GBF1: variants seen among roughly 807,000 people sequenced by gnomAD.
GBF1 encodes the protein golgi brefeldin A resistant guanine nucleotide exchange factor 1.
GBF1 carries 114 observed loss-of-function variants against 210.5 expected under a neutral mutation model. That is an observed-to-expected ratio of 0.54 (90% CI 0.47 to 0.63). The LOEUF (loss-of-function observed/expected upper bound fraction) is 0.63, where lower values mean the gene tolerates loss of function less well. Ranked by LOEUF, GBF1 falls within the 30% of genes least tolerant of loss-of-function variation. The probability of loss-of-function intolerance (pLI) is 0.00; values close to 1 mark genes in which losing one functional copy is unlikely to be tolerated. For synonymous variants in GBF1, 850 were observed against 889.2 expected, an observed-to-expected ratio of 0.96 and a Z score of 0.78; for missense variants, 1,851 against 2,357.7, an observed-to-expected ratio of 0.79 and a Z score of 4.45.
At chr10:102,288,594 C>T (rs1487021185) in intron 3 of GBF1, among the ~76,000 whole-genome samples, 2 of 151,614 alleles carry the variant, frequency 1.3e-5, no homozygotes, top group Non-Finnish European at 1.5e-5. Flanking sequence ...GCCTGTAGTC[C>T]CAGCTACTCG....
intron 1 of GBF1, among the ~76,000 whole-genome samples, chr10:102,258,474 A>G (rs1006191009): frequency 4.1e-5 from 6 of 147,536 alleles, no homozygotes; most frequent in African/African-American, 1.2e-4. Context: ...TTATGAGTAT[A>G]GAAAATTTTG....
chr10:102,331,512 G>A (rs1443044584), intron 3 of GBF1, among the ~76,000 whole-genome samples: 1 of 151,832 alleles, frequency 6.6e-6, no homozygotes, highest in Admixed American at 6.6e-5. Context: ...GGCTGGGCAC[G>A]GTGTCTCAAG....
At chr10:102,379,466 G>A (rs775891132) in intron 34 of GBF1, 32 bp downstream of exon 34, 17 of 1,613,892 alleles carry the variant, frequency 1.1e-5, no homozygotes, top group Non-Finnish European at 1.4e-5. Flanking sequence ...TAGGGAGTTT[G>A]GGGAGCATCA....
rs1410305226 is a variant in GBF1 at position 102,366,446 on chromosome 10, T to A, written c.2373T>A (p.Arg791=). ...EALRLYLEAF[R]LPGEAPVIQR... ...TCCGCCTCTACCTGGAAGCCTTCCG[T>A]TTGCCTGGGGAAGCACCAGTCATCC... is the stretch of plus-strand genomic sequence containing the variant. Residue 791 remains arginine (R), a synonymous_variant, in exon 19 of 40, where the codon CGT becomes CGA. Transcript: ENST00000369983. This position sits in a 1 kb window ranked among gnomAD's most constrained non-coding sequence, Gnocchi z 4.0. 6.2e-7 allele frequency: 1 copy of A among 1,614,074 alleles called. No individual in the cohort carries two copies. The highest frequency in any genetic ancestry group is 1.1e-5 in the South Asian group (1 of 91,082).
intron 8 of GBF1, 50 bp from the exon 9 acceptor site, chr10:102,357,989 G>T (rs752250525): frequency 1.6e-6 from 2 of 1,262,358 alleles, no homozygotes; most frequent in South Asian, 2.4e-5. Flanking sequence ...GATTAATAGG[G>T]ATAGAGTCTT....
intron 3 of GBF1, among the ~76,000 whole-genome samples, chr10:102,298,287 G>C (rs2077069203): frequency 1.3e-5 from 2 of 152,124 alleles, no homozygotes; most frequent in Admixed American, 1.3e-4. Context: ...AGGCTTTGCT[G>C]TTATCTATAC....
chr10:102,320,289 C>A (rs2056279534), intron 3 of GBF1, among the ~76,000 whole-genome samples: 1 of 151,822 alleles, frequency 6.6e-6, no homozygotes, highest in Non-Finnish European at 1.5e-5. Context: ...TAGTCTGATG[C>A]CATATTGAAT....
At chr10:102,318,978 T>C (rs932430344) in intron 3 of GBF1, among the ~76,000 whole-genome samples, 1 of 152,194 alleles carries the variant, frequency 6.6e-6, no homozygotes, top group Non-Finnish European at 1.5e-5. Flanking sequence ...TCCCAGCATT[T>C]TGGGAAGCCA....
In GBF1 at chr10:102,369,795, T is replaced by C; in HGVS notation, c.3215+20T>C. On this transcript the variant is annotated intron_variant, in intron 25 of 39. Coordinates refer to ENST00000369983, the MANE Select transcript of GBF1 (RefSeq NM_001377137.1). ...AAACCGGTAAGAGCAGACCAGAGGC[T>C]CAGGGGCTTGGGGAGGGAGAGTCAG... 3 of 1,614,096 alleles carry C rather than the reference T, an allele frequency of 1.9e-6. No individual in the cohort carries two copies. The highest frequency in any genetic ancestry group is 1.3e-5 in the African/African-American group (1 of 75,018).
In GBF1 at chr10:102,379,216, G is replaced by A. The variant is rs867355017; in HGVS notation, c.4495-68G>A. 7 of 1,482,884 alleles carry A rather than the reference G, an allele frequency of 4.7e-6. No homozygotes were observed. The South Asian group carries it at 8.5e-5, about 18-fold the overall frequency. 91.9% of individuals were successfully genotyped at this position (1,482,884 alleles called of 1,614,324 possible). A position where few individuals can be genotyped will look rare whatever the true frequency, so the allele number is the denominator to read the frequency against. On this transcript the variant is annotated intron_variant, in intron 33 of 39. Coordinates refer to ENST00000369983, the MANE Select transcript of GBF1 (RefSeq NM_001377137.1). Reference sequence around the variant, plus strand: ...TTGAGGACTTAGTTAGGGACAGTGAGTGGGGAGGGGGAAAGGGATCCACGA... The same window carrying A: ...TTGAGGACTTAGTTAGGGACAGTGAATGGGGAGGGGGAAAGGGATCCACGA...
At chr10:102,246,844 G>T (rs1402191332) in intron 1 of GBF1, among the ~76,000 whole-genome samples, 1 of 152,314 alleles carries the variant, frequency 6.6e-6, no homozygotes, top group South Asian at 2.1e-4. Flanking sequence ...ATTAATTCAG[G>T]TATAAAAGGC....
chr10:102,304,130 A>G (rs1047185360), intron 3 of GBF1, among the ~76,000 whole-genome samples: 1 of 152,220 alleles, frequency 6.6e-6, no homozygotes, highest in Non-Finnish European at 1.5e-5. Context: ...AAAATGGTAC[A>G]TAAGGTTTAA....
At position 102,352,533 on chromosome 10, in the gene GBF1, G is replaced by C. The variant is rs759772052; in HGVS notation, c.584+15G>C. The C allele has an allele frequency of 1.9e-6, 3 of 1,589,772 alleles. No individual in the cohort carries two copies. The African/African-American group carries it at 4.0e-5, about 21-fold the overall frequency. On this transcript the variant is annotated intron_variant, in intron 7 of 39. Transcript: ENST00000369983. ...CTCTTCACAAGGTAAACCTGCTGCT[G>C]TTTGCTTCAGCCCGGCTGCCCAGGC...
chr10:102,308,240 C>T (rs1420848502), intron 3 of GBF1, among the ~76,000 whole-genome samples: 1 of 147,770 alleles, frequency 6.8e-6, no homozygotes, highest in East Asian at 2.0e-4. Context: ...CCCAAATCTC[C>T]ATCAGAAATA....
At chr10:102,332,458 A>G (rs779214084) in intron 3 of GBF1, among the ~76,000 whole-genome samples, 7 of 151,624 alleles carry the variant, frequency 4.6e-5, no homozygotes, top group Non-Finnish European at 8.8e-5. Flanking sequence ...ATCTCGGCTA[A>G]CTGCAACTTC....
intron 3 of GBF1, among the ~76,000 whole-genome samples, chr10:102,281,328 C>G (rs1198291182): frequency 6.6e-6 from 1 of 152,084 alleles, no homozygotes; most frequent in African/African-American, 2.4e-5. Context: ...CTAGACTCTT[C>G]CACACCAGCA....
chr10:102,284,058 A>G (rs973463086), intron 3 of GBF1, among the ~76,000 whole-genome samples: 6 of 150,788 alleles, frequency 4.0e-5, no homozygotes, highest in African/African-American at 1.5e-4. Flanking sequence ...CACTTTTTGC[A>G]AGAATCCCAA....
At chr10:102,296,916 G>A (rs941497300) in intron 3 of GBF1, among the ~76,000 whole-genome samples, 3 of 151,684 alleles carry the variant, frequency 2.0e-5, no homozygotes, top group East Asian at 3.9e-4. Flanking sequence ...CTGGTGGCGC[G>A]TGCCTATAAT....
chr10:102,341,414 C>G (rs1321401730), intron 3 of GBF1, among the ~76,000 whole-genome samples: 2 of 151,558 alleles, frequency 1.3e-5, no homozygotes, highest in African/African-American at 2.4e-5. Context: ...ACACCTTTAC[C>G]TTTTGACCCA....
Sources: gnomAD v4.1 joint callset for allele counts (sites outside exome capture counted in the v4.1 genomes callset) on GRCh38, gnomAD v4.1.1 for gene constraint, Gnocchi (gnomAD v3.1) non-coding constraint, MANE v1.5 for transcripts, NCBI Gene and HGNC (gene_info 2026-07-23, HGNC 2026-07-21) for gene names.